Variants in TRAM2 observed in about 807,000 individuals in gnomAD.
TRAM2 encodes the protein translocating chain-associated membrane protein 2.
TRAM2 carries 12 observed loss-of-function variants against 51.0 expected under a neutral mutation model. The observed-to-expected ratio is 0.24, with a 90% CI of 0.15 to 0.38. The LOEUF (loss-of-function observed/expected upper bound fraction) is 0.38. Among genes scored for constraint, TRAM2 ranks in the 10% least tolerant of loss-of-function variants. The probability of loss-of-function intolerance (pLI) is 1.00; values close to 1 mark genes in which losing one functional copy is unlikely to be tolerated. For missense variants in TRAM2, 361 were observed against 462.0 expected (o/e 0.78, Z 2.00); for synonymous variants, 175 against 179.4 (o/e 0.98, Z 0.20).
At position 52,577,054 on chromosome 6, in the gene TRAM2, C is replaced by T. The variant is rs1281973225; in HGVS notation, c.-139G>A. On this transcript the variant is annotated 5_prime_UTR_variant, in exon 1 of 11. Transcript: ENST00000182527. ...AGCCGCTCGCCCGCCCAGCGCGGAA[C>T]AACTTCGGGGCCCGCCCCCTTCCTC... is the stretch of plus-strand genomic sequence containing the variant. 2 of 1,069,232 alleles carry T rather than the reference C, an allele frequency of 1.9e-6. No homozygotes were observed. The highest frequency in any genetic ancestry group is 2.3e-6 in the Non-Finnish European group (2 of 853,742). 66.2% of individuals were successfully genotyped at this position (1,069,232 alleles called of 1,614,324 possible). A position where few individuals can be genotyped will look rare whatever the true frequency, so the allele number is the denominator to read the frequency against.
chr6:52,505,446 T>C (rs1001357026), intron 9 of TRAM2, among the ~76,000 whole-genome samples, 153 bp downstream of exon 9: 9 of 152,198 alleles, frequency 5.9e-5, no homozygotes, highest in Non-Finnish European at 8.8e-5. Context: ...GAGGCTGCTA[T>C]CTCTTCTCCC....
At position 52,525,158 on chromosome 6, in the gene TRAM2, G is replaced by T. The variant is rs548471679; in HGVS notation, c.185-8421C>A. 11 of 152,410 alleles carry T rather than the reference G, an allele frequency of 7.2e-5. No individual in the cohort carries two copies. In the East Asian group the frequency reaches 2.1e-3, roughly 29 times the overall value. The allele number at this position is 152,410 out of a possible 1,614,324, so 9.4% of individuals were successfully genotyped here. On this transcript the variant is annotated intron_variant, in intron 2 of 10. Transcript: ENST00000182527. ...CTGCAGCTAGGCAGCAGTGGGGCCAGGACTCAGCTGTGCTACTGACGCCAG... is the reference window on the plus strand; with the variant it reads ...CTGCAGCTAGGCAGCAGTGGGGCCATGACTCAGCTGTGCTACTGACGCCAG...
rs1440944636 is a variant in TRAM2, at chr6:52,507,616, A to G, written c.563T>C (p.Ile188Thr). ...LYFQKVRKEE[I>T]PRQLQYICLY... is the part of the protein sequence containing the mutation. ...GCAAATATACTGGAGCTGGCGGGGA[A>G]TTTCCTCCTGGAAACAAGAGAAGCA... Residue 188 changes from isoleucine (I) to threonine (T), a missense_variant, in exon 7 of 11, where the codon ATT (isoleucine) becomes ACT (threonine). By Grantham distance (89) the Ile-to-Thr change is moderately conservative. Transcript: ENST00000182527. 2.5e-6 allele frequency: 4 copies of G among 1,613,974 alleles called. No individual in the cohort carries two copies. Among genetic ancestry groups the G allele is most frequent in the Non-Finnish European group, 3.4e-6 (4 of 1,180,018 alleles).
intron 2 of TRAM2, chr6:52,517,333 A>G (rs1416714333): frequency 2.0e-5 from 3 of 153,004 alleles, no homozygotes; most frequent in African/African-American, 4.8e-5. Context: ...AATTAAATGA[A>G]TAAATGCGAA....
chr6:52,569,806 G>T (rs1164688832), intron 1 of TRAM2, among the ~76,000 whole-genome samples: 1 of 152,012 alleles, frequency 6.6e-6, no homozygotes, highest in Non-Finnish European at 1.5e-5. Flanking sequence ...CCCAGAACAG[G>T]CACTTAAGCA....
At chr6:52,566,904 T>C (rs1252457401) in intron 1 of TRAM2, among the ~76,000 whole-genome samples, 1 of 152,208 alleles carries the variant, frequency 6.6e-6, no homozygotes, top group Non-Finnish European at 1.5e-5. Context: ...AGAAGACCCA[T>C]ATGGCAGCTC....
At chr6:52,516,225 G>A (rs1237172878) in intron 3 of TRAM2, 103 bp from the exon 4 acceptor site, 1 of 1,081,104 alleles carries the variant, frequency 9.2e-7, no homozygotes, top group East Asian at 2.4e-5. Flanking sequence ...AACATCGTTA[G>A]AAGTTTGCAG....
intron 1 of TRAM2, among the ~76,000 whole-genome samples, chr6:52,563,507 C>A (rs1278111136): frequency 6.6e-6 from 1 of 151,674 alleles, no homozygotes; most frequent in African/African-American, 2.4e-5. Context: ...ATCACGAGGT[C>A]AGGAGATCGA....
rs1766182431 is a variant in TRAM2, at chr6:52,500,219, ATGGCT to A, written c.*2973_*2977del. On this transcript the variant is annotated 3_prime_UTR_variant, in exon 11 of 11. Transcript: ENST00000182527. ...GAGGTGTCTGGCAGAGCCTTCACAA[ATGGCT>A]TGGCACTTTGGGGCAGGAGAGAATG... 1 of 152,200 alleles carries A rather than the reference ATGGCT, an allele frequency of 6.6e-6. No individual in the cohort carries two copies. Among genetic ancestry groups the A allele is most frequent in the African/African-American group, 2.4e-5 (1 of 41,430 alleles). 9.4% of individuals were successfully genotyped at this position (152,200 alleles called of 1,614,324 possible).
chr6:52,508,740 C>T (rs1160168950), intron 5 of TRAM2, among the ~76,000 whole-genome samples: 2 of 152,114 alleles, frequency 1.3e-5, no homozygotes, highest in Non-Finnish European at 2.9e-5. Flanking sequence ...TCTTAAAGAT[C>T]TCGGGAAAGG....
At chr6:52,513,276 A>G (rs977678352) in intron 4 of TRAM2, among the ~76,000 whole-genome samples, 4 of 152,334 alleles carry the variant, frequency 2.6e-5, no homozygotes, top group Admixed American at 6.5e-5. Context: ...ATCATTTATG[A>G]TATTTATTAA....
chr6:52,574,146 C>T (rs1162868716), intron 1 of TRAM2, among the ~76,000 whole-genome samples: 2 of 152,156 alleles, frequency 1.3e-5, no homozygotes, highest in Non-Finnish European at 2.9e-5. Flanking sequence ...CATACCCACA[C>T]ATGCACACCA....
At chr6:52,529,982 C>T (rs1452955561) in intron 2 of TRAM2, 1 of 152,070 alleles carries the variant, frequency 6.6e-6, no homozygotes. Flanking sequence ...GACCAGAAAA[C>T]ACATATTTTA....
At chr6:52,545,189 C>T (rs889084216) in intron 1 of TRAM2, among the ~76,000 whole-genome samples, 1 of 152,274 alleles carries the variant, frequency 6.6e-6, no homozygotes, top group Middle Eastern at 3.4e-3. Flanking sequence ...AAAAATTAGA[C>T]GGAGAGGCTG....
Position 52,541,862 on chromosome 6 carries a change from CAG to C in TRAM2, c.121-6018_121-6017del, listed in dbSNP as rs1412618510. Among the ~76,000 whole-genome samples, 15 of 145,824 alleles carry C rather than the reference CAG, an allele frequency of 1.0e-4. No individual in the cohort carries two copies. The East Asian group carries it at 3.0e-3, about 29-fold the overall frequency. On this transcript the variant is annotated intron_variant, in intron 1 of 10. Coordinates refer to ENST00000182527, the MANE Select transcript of TRAM2 (RefSeq NM_012288.4). ...TGGCACTTGGAAGGGGCTGTGTGGG[CAG>C]ACCAGCCCCCGGGGGCAGACAGGGT...
intron 2 of TRAM2, among the ~76,000 whole-genome samples, chr6:52,521,743 A>C (rs9395800): frequency 0.22 from 32,919 of 151,524 alleles, 3,728 homozygotes; most frequent in Non-Finnish European, 0.26. Flanking sequence ...AAACAAAATA[A>C]AATAAAATAA....
intron 1 of TRAM2, among the ~76,000 whole-genome samples, chr6:52,562,256 G>A (rs1282036228): frequency 6.6e-6 from 1 of 152,112 alleles, no homozygotes; most frequent in Non-Finnish European, 1.5e-5. Flanking sequence ...GGAGTATGAC[G>A]GGCTGCACAT....
At chr6:52,538,564 T>C (rs1010786801) in intron 1 of TRAM2, among the ~76,000 whole-genome samples, 2 of 152,200 alleles carry the variant, frequency 1.3e-5, no homozygotes, top group Middle Eastern at 3.4e-3. Flanking sequence ...ACATTATCAT[T>C]CAATGGGAAG....
intron 1 of TRAM2, 47 bp from the exon 2 acceptor site, chr6:52,535,893 A>G: frequency 1.3e-6 from 2 of 1,556,016 alleles, no homozygotes; most frequent in East Asian, 2.2e-5. Context: ...TGGCCACATC[A>G]AAAGAAACAA....
Sources: gnomAD v4.1 joint callset for allele counts (sites outside exome capture counted in the v4.1 genomes callset) on GRCh38, gnomAD v4.1.1 for gene constraint, MANE v1.5 for transcripts, NCBI Gene and HGNC (gene_info 2026-07-23, HGNC 2026-07-21) for gene names.